MYO19: variants seen among roughly 807,000 people sequenced by gnomAD.
MYO19 encodes unconventional myosin-XIX.
In MYO19, 132 loss-of-function variants were observed where a neutral mutation model predicts 129.2. The observed-to-expected ratio is 1.02, with a 90% CI of 0.89 to 1.18. MYO19 has a LOEUF of 1.18. Among genes scored for constraint, MYO19 ranks in the 50% most tolerant of loss-of-function variants. The probability of loss-of-function intolerance (pLI) is 0.00; values close to 1 mark genes in which losing one functional copy is unlikely to be tolerated. For missense variants in MYO19, 1,210 were observed against 1,216.7 expected (o/e 0.99, Z 0.08); for synonymous variants, 531 against 477.2 (o/e 1.11, Z -1.47).
At chr17:36,527,265 TAAA>T (rs2073530604) in intron 5 of MYO19, among the ~76,000 whole-genome samples, 5 of 152,182 alleles carry the variant, frequency 3.3e-5, no homozygotes, top group Admixed American at 6.5e-5. Context: ...TTCCTGTTAA[TAAA>T]ACCGCAAACA....
At chr17:36,508,200 T>C (rs989737236) in intron 14 of MYO19, 30 of 294,930 alleles carry the variant, frequency 1.0e-4, no homozygotes, top group Admixed American at 9.5e-4. Context: ...AGGCCCATTT[T>C]TGAGTCTGAA....
intron 6 of MYO19, among the ~76,000 whole-genome samples, chr17:36,520,667 G>A (rs1271127489): frequency 1.3e-5 from 2 of 152,108 alleles, no homozygotes; most frequent in African/African-American, 4.8e-5. Context: ...AGACCTTTAT[G>A]AGGATCCACT....
chr17:36,510,607 A>G (rs993838456), intron 13 of MYO19, 139 bp downstream of exon 13: 6 of 914,494 alleles, frequency 6.6e-6, no homozygotes, highest in Non-Finnish European at 8.1e-6. Context: ...CAGGGGTTTG[A>G]GGAGCAGGGA....
chr17:36,530,351 C>T (rs1424755707), intron 3 of MYO19, among the ~76,000 whole-genome samples: 2 of 151,798 alleles, frequency 1.3e-5, no homozygotes, highest in Non-Finnish European at 2.9e-5. Context: ...ATAATGGTAC[C>T]TACCTCACAG....
At chr17:36,504,049 C>T (rs761314762) in intron 19 of MYO19, 29 bp from the exon 20 acceptor site, 2 of 1,526,492 alleles carry the variant, frequency 1.3e-6, no homozygotes, top group Non-Finnish European at 1.8e-6. Context: ...AGGGCAGGCA[C>T]CTGCAGCATG....
chr17:36,537,700 C>T (rs753730055), upstream of MYO19: 50 of 1,614,146 alleles, frequency 3.1e-5, no homozygotes, highest in Non-Finnish European at 4.2e-5. Context: ...CATTACTTTA[C>T]AAACTCATTG....
intron 25 of MYO19, chr17:36,498,037 T>C (rs1329434554): frequency 1.9e-6 from 1 of 525,354 alleles, no homozygotes; most frequent in East Asian, 2.9e-5. Flanking sequence ...GATGCTGAAA[T>C]AATTAGAAGC....
intron 25 of MYO19, among the ~76,000 whole-genome samples, chr17:36,497,253 G>A (rs544125679): frequency 7.3e-5 from 11 of 150,798 alleles, no homozygotes; most frequent in African/African-American, 9.8e-5. Context: ...CAGGAGAATC[G>A]CTTAAACCCA....
At chr17:36,504,327 C>T (rs771272221) in intron 19 of MYO19, 17 of 345,528 alleles carry the variant, frequency 4.9e-5, no homozygotes, top group Non-Finnish European at 8.9e-5. Context: ...CACTACCACA[C>T]AACCCAGCCC....
Position 36,507,532 on chromosome 17 carries a change from G to T in MYO19, c.1354-20C>A, listed in dbSNP as rs761056860. The T allele has an allele frequency of 6.2e-6, 10 of 1,608,886 alleles. No homozygotes were observed. In the Admixed American group the frequency reaches 1.7e-4, roughly 27 times the overall value. On this transcript the variant is annotated intron_variant, in intron 15 of 25. Coordinates refer to ENST00000614623, the MANE Select transcript of MYO19 (RefSeq NM_001163735.2). ...TTCCTCCTAAAGAACAAGGTGGGAT[G>T]AGGTGGGAGAAGGCAGCTGTGGTCT...
intron 7 of MYO19, 79 bp downstream of exon 7, chr17:36,515,779 G>T: frequency 1.3e-6 from 2 of 1,501,252 alleles, no homozygotes; most frequent in Non-Finnish European, 1.8e-6. Flanking sequence ...GGGTCTCAAA[G>T]CACTGTCCCT....
intron 13 of MYO19, 117 bp downstream of exon 13, chr17:36,510,629 C>A: frequency 8.6e-7 from 1 of 1,158,436 alleles, no homozygotes; most frequent in South Asian, 1.6e-5. Context: ...AGGAACCAGT[C>A]TGTCTTATCT....
At chr17:36,522,517 G>GA (rs200124922) in intron 6 of MYO19, among the ~76,000 whole-genome samples, 252 of 137,588 alleles carry the variant, frequency 1.8e-3, no homozygotes, top group Middle Eastern at 0.012. Flanking sequence ...TCAAAAAAAA[G>GA]AAAAAAAAAA....
chr17:36,537,849 C>T (rs2074164111), upstream of MYO19: 1 of 1,613,936 alleles, frequency 6.2e-7, no homozygotes, highest in Non-Finnish European at 8.5e-7. Flanking sequence ...ATTGATAACA[C>T]CACTGCTGTT....
In MYO19 at chr17:36,507,931, A is replaced by T; in HGVS notation, c.1232-7T>A. 10 of 1,592,440 alleles carry T rather than the reference A, an allele frequency of 6.3e-6. No homozygotes were observed. The highest frequency in any genetic ancestry group is 8.6e-6 in the Non-Finnish European group (10 of 1,166,198). ...CCATACACATCCAGCAGGCCTGGGA[A>T]GATGGCAGAGAACCCATGGGGCCAC... On this transcript the variant is annotated splice_region_variant and splice_polypyrimidine_tract_variant and intron_variant, in intron 14 of 25. Transcript: ENST00000614623.
At chr17:36,537,680 G>T (rs2074161381), upstream of MYO19, 2 of 1,613,966 alleles carry the variant, frequency 1.2e-6, no homozygotes, top group Admixed American at 1.7e-5. Context: ...ATATGGAAGG[G>T]TCCAAATTGC....
chr17:36,502,811 CCACCCAT>C (rs1159870747), intron 21 of MYO19: 2 of 482,646 alleles, frequency 4.1e-6, no homozygotes, highest in Non-Finnish European at 7.4e-6. Flanking sequence ...ATCATGTGGA[CCACCCAT>C]CACCTGGCTA....
chr17:36,515,626 G>C lies in MYO19; in HGVS notation c.547+232C>G, dbSNP rs539032599. Among the ~76,000 whole-genome samples the C allele has an allele frequency of 5.3e-5, 8 of 152,314 alleles. No individual in the cohort carries two copies. The South Asian group carries it at 1.5e-3, about 28-fold the overall frequency. ...TAAGCCACCAGGTCTTCTCCAGCAC[G>C]ACTGTTATGTGTGCCTAGGCTGGAG... On this transcript the variant is annotated intron_variant, in intron 7 of 25. Coordinates refer to ENST00000614623, the MANE Select transcript of MYO19 (RefSeq NM_001163735.2).
At chr17:36,537,656 CAGG>C (rs1321655347), upstream of MYO19, 1 of 1,614,068 alleles carries the variant, frequency 6.2e-7, no homozygotes, top group Non-Finnish European at 8.5e-7. Context: ...GTCTAGAGGT[CAGG>C]AGGAGAAAAT....
Sources: gnomAD v4.1 joint callset for allele counts (sites outside exome capture counted in the v4.1 genomes callset) on GRCh38, gnomAD v4.1.1 for gene constraint, MANE v1.5 for transcripts, NCBI Gene and HGNC (gene_info 2026-07-23, HGNC 2026-07-21) for gene names.